The following HPSE2 variants were observed in gnomAD, a reference collection of about 807,000 sequenced individuals.
HPSE2 encodes the protein inactive heparanase-2.
HPSE2 carries 38 observed loss-of-function variants against 60.5 expected under a neutral mutation model. That is an observed-to-expected ratio of 0.63 (90% CI 0.48 to 0.82). HPSE2 has a LOEUF of 0.82. HPSE2 is among the 40% of genes least tolerant of loss of function. HPSE2 has a pLI of 0.00. For missense variants in HPSE2, 713 were observed against 740.4 expected (o/e 0.96, Z 0.43); for synonymous variants, 295 against 293.2 (o/e 1.01, Z -0.06).
intron 9 of HPSE2, among the ~76,000 whole-genome samples, chr10:98,567,883 A>G (rs1281545048): frequency 6.6e-6 from 1 of 152,186 alleles, no homozygotes; most frequent in East Asian, 1.9e-4. Flanking sequence ...TGTCAAAGAA[A>G]CAGGCCTTTG....
chr10:98,887,056 C>T (rs776763433), intron 3 of HPSE2, among the ~76,000 whole-genome samples: 3 of 152,098 alleles, frequency 2.0e-5, no homozygotes, highest in African/African-American at 7.2e-5. Flanking sequence ...GAAGCTGTCA[C>T]AAAAAGTCAC....
At chr10:99,005,969 A>G (rs1956882527) in intron 3 of HPSE2, among the ~76,000 whole-genome samples, 1 of 152,008 alleles carries the variant, frequency 6.6e-6, no homozygotes, top group Non-Finnish European at 1.5e-5. Context: ...CCACGGGGTT[A>G]AGCCTAGGGC....
chr10:99,061,414 A>G (rs1164446234), intron 3 of HPSE2, among the ~76,000 whole-genome samples: 1 of 152,222 alleles, frequency 6.6e-6, no homozygotes, highest in African/African-American at 2.4e-5. Context: ...GTTTACTTAG[A>G]AGACTAAATG....
At chr10:98,910,810 A>T (rs1431679129) in intron 3 of HPSE2, among the ~76,000 whole-genome samples, 2 of 152,174 alleles carry the variant, frequency 1.3e-5, no homozygotes, top group Non-Finnish European at 2.9e-5. Context: ...AACACAAAAT[A>T]CATTTGTGGA....
intron 3 of HPSE2, among the ~76,000 whole-genome samples, chr10:99,127,857 T>C (rs770346378): frequency 5.3e-5 from 8 of 151,952 alleles, no homozygotes; most frequent in Non-Finnish European, 8.8e-5. Context: ...TGAAACAAAA[T>C]AATTGTCAGC....
chr10:98,879,408 A>C (rs1360304989), intron 3 of HPSE2, among the ~76,000 whole-genome samples: 1 of 152,068 alleles, frequency 6.6e-6, no homozygotes, highest in Non-Finnish European at 1.5e-5. Flanking sequence ...GCCTCTATAC[A>C]CAATACATAC....
At chr10:99,008,210 G>A (rs1004242481) in intron 3 of HPSE2, among the ~76,000 whole-genome samples, 2 of 152,180 alleles carry the variant, frequency 1.3e-5, no homozygotes, top group African/African-American at 4.8e-5. Flanking sequence ...AAGAGAAAAC[G>A]AGTGCTTTAA....
At chr10:99,304,120 T>C in the HPSE2 span, among the ~76,000 whole-genome samples, 1 of 152,208 alleles carries the variant, frequency 6.6e-6, no homozygotes, top group African/African-American at 2.4e-5. Context: ...TCTAATCTGA[T>C]GCAGGACTCA....
At chr10:98,799,017 C>T (rs573089127) in intron 3 of HPSE2, among the ~76,000 whole-genome samples, 19 of 152,096 alleles carry the variant, frequency 1.2e-4, no homozygotes, top group African/African-American at 4.3e-4. Context: ...AAAAATAAGA[C>T]CAAATTATTT....
intron 3 of HPSE2, among the ~76,000 whole-genome samples, chr10:99,069,139 T>C (rs1034121061): frequency 6.6e-6 from 1 of 152,176 alleles, no homozygotes. Flanking sequence ...CTGCGAGTAC[T>C]TCTAAACCCA....
intron 3 of HPSE2, among the ~76,000 whole-genome samples, chr10:98,973,696 A>G (rs1956015267): frequency 6.6e-6 from 1 of 152,220 alleles, no homozygotes; most frequent in African/African-American, 2.4e-5. Flanking sequence ...AATGTGATCA[A>G]CTTCTAAGAA....
intron 11 of HPSE2, among the ~76,000 whole-genome samples, chr10:98,470,530 A>ATAAGCTGGATTAGAAC (rs1564901069): frequency 6.6e-6 from 1 of 152,210 alleles, no homozygotes; most frequent in African/African-American, 2.4e-5. Flanking sequence ...CACTATAGGG[A>ATAAGCTGGATTAGAAC]TAAGCTGGAT....
chr10:99,140,325 C>G (rs143744899), intron 3 of HPSE2, among the ~76,000 whole-genome samples: 1 of 152,158 alleles, frequency 6.6e-6, no homozygotes. Context: ...CAACACATGA[C>G]AAGAATCCTC....
chr10:99,108,670 T>A (rs1844341179), intron 3 of HPSE2, among the ~76,000 whole-genome samples: 1 of 152,142 alleles, frequency 6.6e-6, no homozygotes, highest in Non-Finnish European at 1.5e-5. Context: ...TTATAGAAAA[T>A]TTAGAAGTCC....
intron 3 of HPSE2, among the ~76,000 whole-genome samples, chr10:98,869,337 A>G (rs1952673179): frequency 6.6e-6 from 1 of 152,138 alleles, no homozygotes; most frequent in South Asian, 2.1e-4. Flanking sequence ...CATTATTAAG[A>G]CATCTTTTTA....
In HPSE2 at chr10:99,166,068, C is replaced by T. The variant is rs1175129854; in HGVS notation, c.449-21669G>A. Among the ~76,000 whole-genome samples the T allele has an allele frequency of 3.3e-5, 5 of 152,252 alleles. No homozygotes were observed. In the South Asian group the frequency reaches 1.0e-3, roughly 32 times the overall value. On this transcript the variant is annotated intron_variant, in intron 2 of 11. Transcript: ENST00000370552. Reference sequence around the variant, plus strand: ...AACAATGGAATTATACAATATGTAGCCTTTGGGATATGGCTTCTTTCACTT... The same window carrying T: ...AACAATGGAATTATACAATATGTAGTCTTTGGGATATGGCTTCTTTCACTT...
intron 3 of HPSE2, among the ~76,000 whole-genome samples, chr10:99,098,420 G>C (rs973545989): frequency 1.3e-5 from 2 of 152,176 alleles, no homozygotes; most frequent in Non-Finnish European, 2.9e-5. Flanking sequence ...CAAATGCTGA[G>C]AGATGACTGT....
chr10:98,986,890 T>C (rs1956371344), intron 3 of HPSE2, among the ~76,000 whole-genome samples: 1 of 152,252 alleles, frequency 6.6e-6, no homozygotes. Context: ...CTAGAAAATC[T>C]AGAAGAAATG....
intron 9 of HPSE2, among the ~76,000 whole-genome samples, chr10:98,554,894 C>T (rs1431384393): frequency 6.6e-6 from 1 of 152,110 alleles, no homozygotes; most frequent in Non-Finnish European, 1.5e-5. Flanking sequence ...TTTGCAGTAT[C>T]TGTACTTTAT....
Sources: allele counts gnomAD v4.1 joint callset (sites outside exome capture counted in the v4.1 genomes callset), GRCh38; gene constraint gnomAD v4.1.1; transcripts MANE v1.5; gene names NCBI Gene and HGNC (gene_info 2026-07-23, HGNC 2026-07-21).